Variants in LOC128462377 observed in about 807,000 individuals in gnomAD.
the LOC128462377 span, among the ~76,000 whole-genome samples, chr16:89,359,423 T>C: frequency 2.0e-5 from 3 of 152,178 alleles, no homozygotes; most frequent in Non-Finnish European, 2.9e-5. Flanking sequence ...CAGGAAGACC[T>C]TCCAGCCTGC....
At chr16:89,357,747 T>C in the LOC128462377 span, among the ~76,000 whole-genome samples, 3 of 152,162 alleles carry the variant, frequency 2.0e-5, no homozygotes. Flanking sequence ...AAACAGCAGC[T>C]GCACAAGAGG....
chr16:89,348,178 C>A, the LOC128462377 span, among the ~76,000 whole-genome samples: 1 of 152,112 alleles, frequency 6.6e-6, no homozygotes, highest in Non-Finnish European at 1.5e-5. Flanking sequence ...ACAGTCCTCC[C>A]ATCTCAGCCT....
chr16:89,378,616 G>A, the LOC128462377 span, among the ~76,000 whole-genome samples: 13 of 152,332 alleles, frequency 8.5e-5, no homozygotes, highest in African/African-American at 2.9e-4. Flanking sequence ...ACTAGCAAGT[G>A]CTCAAGTAGC....
At chr16:89,378,395 G>T in the LOC128462377 span, among the ~76,000 whole-genome samples, 1 of 152,166 alleles carries the variant, frequency 6.6e-6, no homozygotes, top group Non-Finnish European at 1.5e-5. Context: ...TCATCAACGT[G>T]TATGTCAACC....
chr16:89,378,152 C>A, the LOC128462377 span, among the ~76,000 whole-genome samples: 2 of 152,102 alleles, frequency 1.3e-5, no homozygotes, highest in Non-Finnish European at 2.9e-5. Context: ...CAGTTTGAGA[C>A]CAGCCTGGGC....
At chr16:89,326,260 G>A in the LOC128462377 span, among the ~76,000 whole-genome samples, 82 of 152,292 alleles carry the variant, frequency 5.4e-4, no homozygotes, top group African/African-American at 1.9e-3. Context: ...ATAAACACAC[G>A]GAAGTGACCA....
At chr16:89,336,889 G>A in the LOC128462377 span, among the ~76,000 whole-genome samples, 4 of 151,996 alleles carry the variant, frequency 2.6e-5, no homozygotes, top group Admixed American at 2.6e-4. Flanking sequence ...ACTCTGGGAG[G>A]CTGGGTGCGG....
chr16:89,345,392 C>T, the LOC128462377 span, among the ~76,000 whole-genome samples: 6 of 152,204 alleles, frequency 3.9e-5, no homozygotes, highest in East Asian at 1.9e-4. Context: ...CGTGGGTGGA[C>T]GAACGCTGGC....
chr16:89,415,836 A>AAAAAAAAAACAAAAAAC, the LOC128462377 span, among the ~76,000 whole-genome samples: 65 of 141,184 alleles, frequency 4.6e-4, 1 homozygote, highest in African/African-American at 1.5e-3. Context: ...TCTCAAAAAA[A>AAAAAAAAAACAAAAAAC]AAAAAAAAAA....
chr16:89,377,287 A>G, the LOC128462377 span, among the ~76,000 whole-genome samples: 1 of 152,096 alleles, frequency 6.6e-6, no homozygotes, highest in Non-Finnish European at 1.5e-5. Flanking sequence ...GAGAGAGAGC[A>G]TCATGAGTGT....
the LOC128462377 span, chr16:89,324,424 A>G: frequency 2.1e-5 from 10 of 480,676 alleles, no homozygotes; most frequent in South Asian, 1.2e-4. Context: ...AATGCAAACT[A>G]AAACCAAGGT....
At chr16:89,355,863 C>T in the LOC128462377 span, among the ~76,000 whole-genome samples, 5 of 152,126 alleles carry the variant, frequency 3.3e-5, no homozygotes, top group African/African-American at 1.2e-4. Flanking sequence ...GGCAGAGTGA[C>T]CGATGAGATA....
chr16:89,390,350 A>C, the LOC128462377 span, among the ~76,000 whole-genome samples: 35 of 132,716 alleles, frequency 2.6e-4, no homozygotes, highest in Non-Finnish European at 8.3e-5. Context: ...TGGGGCGAAC[A>C]CCGAGTGTGG....
the LOC128462377 span, among the ~76,000 whole-genome samples, chr16:89,350,448 C>T: frequency 3.3e-5 from 5 of 152,116 alleles, no homozygotes; most frequent in African/African-American, 1.2e-4. Context: ...GATGAACATG[C>T]GACATATCTA....
the LOC128462377 span, among the ~76,000 whole-genome samples, chr16:89,334,703 G>A: frequency 1.3e-5 from 2 of 151,988 alleles, no homozygotes; most frequent in Admixed American, 6.6e-5. Flanking sequence ...CACACCCCAG[G>A]GATGAGCAGC....
At chr16:89,339,015 A>G in the LOC128462377 span, among the ~76,000 whole-genome samples, 1 of 152,136 alleles carries the variant, frequency 6.6e-6, no homozygotes, top group Non-Finnish European at 1.5e-5. Context: ...AGGACCCAGG[A>G]AGGAATGATG....
chr16:89,355,234 G>A, the LOC128462377 span, among the ~76,000 whole-genome samples: 2 of 151,640 alleles, frequency 1.3e-5, no homozygotes, highest in Middle Eastern at 3.4e-3. Context: ...CGGAGGGAGG[G>A]CGGAGGGCTC....
At chr16:89,345,249 C>A in the LOC128462377 span, among the ~76,000 whole-genome samples, 7 of 141,792 alleles carry the variant, frequency 4.9e-5, no homozygotes, top group South Asian at 1.7e-3. Flanking sequence ...TTACAAGCCC[C>A]CCCTCCCCAC....
the LOC128462377 span, among the ~76,000 whole-genome samples, chr16:89,376,455 T>G: frequency 5.9e-5 from 9 of 152,222 alleles, no homozygotes. Flanking sequence ...TTTGTTTTTT[T>G]GAGTCAGACT....
Sources: allele counts gnomAD v4.1 joint callset (sites outside exome capture counted in the v4.1 genomes callset), GRCh38; gene constraint gnomAD v4.1.1; transcripts MANE v1.5.